Variants in AGTPBP1 observed in about 807,000 individuals in gnomAD.
AGTPBP1 encodes the protein ATP/GTP binding carboxypeptidase 1.
A neutral mutation model predicts 143.9 loss-of-function variants in AGTPBP1; 70 were observed. That is an observed-to-expected ratio of 0.49 (90% CI 0.40 to 0.59). The LOEUF (loss-of-function observed/expected upper bound fraction) is 0.59. AGTPBP1 is among the 20% of genes least tolerant of loss of function. AGTPBP1 has a pLI of 0.00. For missense variants in AGTPBP1, 1,229 were observed against 1,464.5 expected, an observed-to-expected ratio of 0.84 and a Z score of 2.62; for synonymous variants, 463 against 500.2, an observed-to-expected ratio of 0.93 and a Z score of 0.99.
chr9:85,798,639 A>G, the AGTPBP1 span, among the ~76,000 whole-genome samples: 1 of 152,112 alleles, frequency 6.6e-6, no homozygotes, highest in Non-Finnish European at 1.5e-5. Context: ...AAGTGCAGGG[A>G]TTACACCACA....
intron 25 of AGTPBP1, among the ~76,000 whole-genome samples, chr9:85,557,503 C>T (rs1247222352): frequency 5.3e-5 from 8 of 152,074 alleles, no homozygotes; most frequent in African/African-American, 9.7e-5. Flanking sequence ...GTAATTACAG[C>T]GCTAAGAATT....
At chr9:85,669,065 T>A (rs1431185041) in intron 8 of AGTPBP1, among the ~76,000 whole-genome samples, 1 of 147,912 alleles carries the variant, frequency 6.8e-6, no homozygotes, top group African/African-American at 2.5e-5. Context: ...AAAAGAATGA[T>A]GTGATTTTGA....
chr9:85,618,169 G>A lies in AGTPBP1; in HGVS notation c.2335+814C>T, dbSNP rs189980455. Among the ~76,000 whole-genome samples, 2 of 151,136 alleles carry A rather than the reference G, an allele frequency of 1.3e-5. 1 individual carries two copies. Among genetic ancestry groups the A allele is most frequent in the Admixed American group, 1.3e-4 (2 of 15,166 alleles). On this transcript the variant is annotated intron_variant, in intron 17 of 25. Transcript: ENST00000357081. ...AATCACGTGAACCTGAGAGGTGGAG[G>A]TTGCAGTGGGCCACAATCACACCAC...
intron 25 of AGTPBP1, among the ~76,000 whole-genome samples, chr9:85,569,386 A>T (rs1009714217): frequency 1.3e-5 from 2 of 152,054 alleles, no homozygotes; most frequent in Non-Finnish European, 2.9e-5. Context: ...GAATGAATAT[A>T]CTATATTATA....
chr9:85,761,507 A>T, the AGTPBP1 span, among the ~76,000 whole-genome samples: 1 of 152,242 alleles, frequency 6.6e-6, no homozygotes, highest in Non-Finnish European at 1.5e-5. Flanking sequence ...AAACCTGACA[A>T]AAACGAGAAA....
At chr9:85,708,540 TTTTG>T (rs145479986) in intron 2 of AGTPBP1, among the ~76,000 whole-genome samples, 10 of 152,288 alleles carry the variant, frequency 6.6e-5, no homozygotes, top group East Asian at 3.9e-4. Context: ...CTTTATTGTT[TTTTG>T]TTTGTTTGTT....
At position 85,729,901 on chromosome 9, in the gene AGTPBP1, C is replaced by A. The variant is rs534943249; in HGVS notation, c.-34+11874G>T. Among the ~76,000 whole-genome samples the A allele has an allele frequency of 1.6e-4, 24 of 152,258 alleles. No individual in the cohort carries two copies. The East Asian group carries it at 3.3e-3, about 21-fold the overall frequency. ...AGACCTAAAAGTTATTTCACAGCTC[C>A]TCCAGGGTATAAAGATTTAGAAAAG... is the stretch of plus-strand genomic sequence containing the variant. On this transcript the variant is annotated intron_variant, in intron 1 of 25. Coordinates refer to ENST00000357081, the MANE Select transcript of AGTPBP1 (RefSeq NM_001330701.2).
chr9:85,655,774 C>G (rs1833465020), intron 10 of AGTPBP1, among the ~76,000 whole-genome samples: 1 of 151,628 alleles, frequency 6.6e-6, no homozygotes, highest in African/African-American at 2.4e-5. Flanking sequence ...CATAAGTTGG[C>G]TATTCACCTT....
At chr9:85,635,633 A>G (rs983173127) in intron 13 of AGTPBP1, among the ~76,000 whole-genome samples, 4 of 152,180 alleles carry the variant, frequency 2.6e-5, no homozygotes, top group Non-Finnish European at 2.9e-5. Flanking sequence ...GTGATAAGCT[A>G]AAGACTGAAG....
At chr9:85,790,592 G>C in the AGTPBP1 span, among the ~76,000 whole-genome samples, 1 of 152,086 alleles carries the variant, frequency 6.6e-6, no homozygotes, top group Admixed American at 6.6e-5. Context: ...TTATAATGAT[G>C]GCTTTTGATA....
intron 2 of AGTPBP1, among the ~76,000 whole-genome samples, chr9:85,708,005 A>G (rs1312287766): frequency 1.3e-5 from 2 of 152,208 alleles, no homozygotes; most frequent in Non-Finnish European, 2.9e-5. Context: ...TGGCACGTGT[A>G]TACTTATGTA....
chr9:85,630,749 G>A (rs1205247783), intron 14 of AGTPBP1, among the ~76,000 whole-genome samples: 1 of 151,876 alleles, frequency 6.6e-6, no homozygotes, highest in African/African-American at 2.4e-5. Context: ...CAAAGTGCTG[G>A]GATTAGAGGG....
intron 10 of AGTPBP1, among the ~76,000 whole-genome samples, chr9:85,657,170 TA>T (rs34096152): frequency 0.34 from 46,420 of 137,126 alleles, 8,856 homozygotes; most frequent in East Asian, 0.56. Context: ...CCCTAAAACT[TA>T]AAAGTATAAT....
intron 25 of AGTPBP1, among the ~76,000 whole-genome samples, chr9:85,563,000 G>A (rs1161869908): frequency 1.3e-5 from 2 of 152,158 alleles, no homozygotes; most frequent in Non-Finnish European, 2.9e-5. Context: ...AGGTTACAGT[G>A]AGATGACCAC....
chr9:85,664,705 T>C (rs1184717921), intron 8 of AGTPBP1, among the ~76,000 whole-genome samples: 2 of 152,162 alleles, frequency 1.3e-5, no homozygotes, highest in African/African-American at 4.8e-5. Flanking sequence ...TCCCTTCTAT[T>C]TAAAAAGTGA....
rs1454327586 is a variant in AGTPBP1 at position 85,678,418 on chromosome 9, T to G, written c.226-20A>C. 2 of 1,499,012 alleles carry G rather than the reference T, an allele frequency of 1.3e-6. No homozygotes were observed. Among genetic ancestry groups the G allele is most frequent in the Admixed American group, 1.9e-5 (1 of 53,110 alleles). 92.9% of individuals were successfully genotyped at this position (1,499,012 alleles called of 1,614,324 possible). On this transcript the variant is annotated intron_variant, in intron 4 of 25. Transcript: ENST00000357081. ...TGTGTTCTGAAATAAATAGTTTGTT[T>G]TATTAAAACATTGTAAACTTTTGAT...
intron 1 of AGTPBP1, among the ~76,000 whole-genome samples, chr9:85,726,170 C>G (rs946555146): frequency 1.4e-5 from 2 of 142,716 alleles, no homozygotes; most frequent in East Asian, 4.0e-4. Context: ...ATTGAGGCTA[C>G]AGTGAGTCAT....
the AGTPBP1 span, among the ~76,000 whole-genome samples, chr9:85,766,264 A>G: frequency 6.6e-5 from 10 of 152,330 alleles, no homozygotes; most frequent in African/African-American, 1.9e-4. Context: ...TATTACAGCT[A>G]TACCTCTTAC....
chr9:85,665,881 T>A (rs1834101730), intron 8 of AGTPBP1, among the ~76,000 whole-genome samples: 1 of 152,172 alleles, frequency 6.6e-6, no homozygotes, highest in African/African-American at 2.4e-5. Flanking sequence ...ATTTAAGAGT[T>A]ATTTTTAGAA....
Sources: gnomAD v4.1 joint callset for allele counts (sites outside exome capture counted in the v4.1 genomes callset) on GRCh38, gnomAD v4.1.1 for gene constraint, MANE v1.5 for transcripts, NCBI Gene and HGNC (gene_info 2026-07-23, HGNC 2026-07-21) for gene names.